Variants in GSE1 observed in about 807,000 individuals in gnomAD.
GSE1 encodes the protein Gse1 coiled-coil protein, also known as genetic suppressor element 1.
In GSE1, 32 loss-of-function variants were observed where a neutral mutation model predicts 112.6. That is an observed-to-expected ratio of 0.28 (90% CI 0.21 to 0.38). The LOEUF (loss-of-function observed/expected upper bound fraction) is 0.38, where lower values mean the gene tolerates loss of function less well. Ranked by LOEUF, GSE1 falls within the 10% of genes least tolerant of loss-of-function variation. GSE1 has a pLI of 1.00. For synonymous variants in GSE1, 1,115 were observed against 735.6 expected, an observed-to-expected ratio of 1.52 and a Z score of -8.35; for missense variants, 2,348 against 1,699.2, an observed-to-expected ratio of 1.38 and a Z score of -6.71.
rs1352311942 is a variant in GSE1 at position 85,574,840 on chromosome 16, C to T, written c.37+18477C>T. Among the ~76,000 whole-genome samples, 3 of 152,344 alleles carry T rather than the reference C, an allele frequency of 2.0e-5. No individual in the cohort carries two copies. The East Asian group carries it at 5.8e-4, about 29-fold the overall frequency. Reference sequence around the variant, plus strand: ...AGGCAGCAGGCATCGGTCACGGACCCTTGGGGGCTCCCTGCTGGAGCCTGC... The same window carrying T: ...AGGCAGCAGGCATCGGTCACGGACCTTTGGGGGCTCCCTGCTGGAGCCTGC... On this transcript the variant is annotated intron_variant, in intron 1 of 2. Transcript: ENST00000635906.
At chr16:85,426,025 A>G (rs951997686) in intron 2 of GSE1, among the ~76,000 whole-genome samples, 145 of 40,690 alleles carry the variant, frequency 3.6e-3, no homozygotes, top group African/African-American at 7.2e-3. Flanking sequence ...AATGAATGGA[A>G]AATGGATGGA....
intron 2 of GSE1, among the ~76,000 whole-genome samples, chr16:85,361,543 C>A (rs955605861): frequency 2.0e-5 from 3 of 152,236 alleles, no homozygotes; most frequent in African/African-American, 7.2e-5. Context: ...GCCATGGTGG[C>A]CCCACCCTGG....
intron 2 of GSE1, among the ~76,000 whole-genome samples, chr16:85,436,532 C>T (rs2049250173): frequency 6.6e-6 from 1 of 152,236 alleles, no homozygotes; most frequent in Non-Finnish European, 1.5e-5. Flanking sequence ...TTCCCAGGAA[C>T]AGGGGGCCTC....
chr16:85,235,967 C>T (rs1904601693), intron 1 of GSE1, among the ~76,000 whole-genome samples: 1 of 144,528 alleles, frequency 6.9e-6, no homozygotes, highest in Non-Finnish European at 1.5e-5. Flanking sequence ...GCGCCCCCTC[C>T]GGCGCCGGGC....
intron 2 of GSE1, among the ~76,000 whole-genome samples, chr16:85,383,046 T>C (rs2047593457): frequency 1.3e-5 from 2 of 148,338 alleles, no homozygotes; most frequent in Admixed American, 6.6e-5. Context: ...ACACACCGTG[T>C]ACATGCATGT....
intron 2 of GSE1, among the ~76,000 whole-genome samples, chr16:85,467,038 C>T (rs534238401): frequency 1.6e-4 from 24 of 152,280 alleles, no homozygotes; most frequent in South Asian, 2.1e-4. Flanking sequence ...CCAGCCTGGG[C>T]GACTCCATCT....
rs529887838 is a variant in GSE1, at chr16:85,567,116, C to G, written c.37+10753C>G. ...GAAAGTTTCACTCACAGGCGGATTT[C>G]AACCGCCTGTGCTGTCTTTATGACA... On this transcript the variant is annotated intron_variant, in intron 1 of 2. Transcript: ENST00000635906. Among the ~76,000 whole-genome samples, 3 of 145,184 alleles carry G rather than the reference C, an allele frequency of 2.1e-5. No homozygotes were observed. In the East Asian group the frequency reaches 6.8e-4, roughly 33 times the overall value.
chr16:85,555,146 C>T (rs2045137544), upstream of GSE1: 8 of 985,430 alleles, frequency 8.1e-6, no homozygotes, highest in Non-Finnish European at 9.6e-6. Context: ...CGCTGCGCCC[C>T]TACCCTTTCG....
chr16:85,640,841 C>G (rs1268166771), intron 2 of GSE1, among the ~76,000 whole-genome samples: 1 of 152,266 alleles, frequency 6.6e-6, no homozygotes, highest in Non-Finnish European at 1.5e-5. Flanking sequence ...GCCCGTCTGT[C>G]TCCCGCGCAG....
At chr16:85,497,780 G>A (rs958708318) in intron 2 of GSE1, among the ~76,000 whole-genome samples, 1 of 152,162 alleles carries the variant, frequency 6.6e-6, no homozygotes, top group Non-Finnish European at 1.5e-5. Flanking sequence ...GGGAACCCGG[G>A]GTGGGGCAGA....
chr16:85,537,159 C>T (rs559138876), intron 2 of GSE1, among the ~76,000 whole-genome samples: 6 of 152,292 alleles, frequency 3.9e-5, no homozygotes, highest in South Asian at 4.1e-4. Flanking sequence ...AGCGTTTGGT[C>T]GGAAGGCAGG....
At chr16:85,292,546 C>T (rs2045253736) in intron 1 of GSE1, among the ~76,000 whole-genome samples, 1 of 152,154 alleles carries the variant, frequency 6.6e-6, no homozygotes, top group African/African-American at 2.4e-5. Context: ...CCAGGATGGT[C>T]TCGATCTTGT....
rs753863448 is a variant in GSE1 at position 85,657,314 on chromosome 16, C to T, written c.1350C>T (p.Pro450=). 20 of 1,596,418 alleles carry T rather than the reference C, an allele frequency of 1.3e-5. 1 individual carries two copies. The highest frequency in any genetic ancestry group is 1.7e-4 in the Middle Eastern group (1 of 5,998). Residue 450 remains proline (P), a synonymous_variant, in exon 8 of 16, where the codon CCC becomes CCT. Transcript: ENST00000253458. ...ATGCCGGCCTGCAGGCGCCCAAGCCCGTCCAACACCCCTTGCATCCGGTGC... is the reference window on the plus strand; with the variant it reads ...ATGCCGGCCTGCAGGCGCCCAAGCCTGTCCAACACCCCTTGCATCCGGTGC... ...LKDAGLQAPK[P]VQHPLHPVPT...
At position 85,212,899 on chromosome 16, in the gene GSE1, G is replaced by A. The variant is rs1336350421; in HGVS notation, c.2283+41092G>A. ...TCCCAGCACTTTGGGAGGCCGAGGC[G>A]GGAAGATCGCTCGAGCCCAGGAGTT... On this transcript the variant is annotated intron_variant, in intron 1 of 2. Transcript: ENST00000637419. Among the ~76,000 whole-genome samples, 5 of 152,168 alleles carry A rather than the reference G, an allele frequency of 3.3e-5. No homozygotes were observed. In the South Asian group the frequency reaches 6.2e-4, roughly 19 times the overall value.
intron 2 of GSE1, among the ~76,000 whole-genome samples, chr16:85,434,210 T>G (rs1215460947): frequency 6.6e-6 from 1 of 152,004 alleles, no homozygotes; most frequent in Non-Finnish European, 1.5e-5. Flanking sequence ...CAGCCTCATT[T>G]CTGTGACATA....
Position 85,524,456 on chromosome 16 carries a change from G to A in GSE1, c.2465-109458G>A, listed in dbSNP as rs369780017. Among the ~76,000 whole-genome samples, 294 of 152,276 alleles carry A rather than the reference G, an allele frequency of 1.9e-3. 1 individual carries two copies. The highest frequency in any genetic ancestry group is 6.3e-3 in the African/African-American group (260 of 41,558). On this transcript the variant is annotated intron_variant, in intron 2 of 2. Coordinates refer to the GSE1 transcript ENST00000637419. ...GCTCCTAAATGCCAGCACGGCTGCC[G>A]TGGCTGTGGTGGTTGTCAGATGGGG...
At chr16:85,446,643 G>T (rs1359613667) in intron 2 of GSE1, among the ~76,000 whole-genome samples, 1 of 152,174 alleles carries the variant, frequency 6.6e-6, no homozygotes, top group African/African-American at 2.4e-5. Flanking sequence ...CTCAGTAGAC[G>T]CCATCGAGCG....
chr16:85,671,432 T>G (rs1317596644), intron 15 of GSE1, among the ~76,000 whole-genome samples: 1 of 25,332 alleles, frequency 3.9e-5, no homozygotes, highest in Non-Finnish European at 9.9e-5. Context: ...AGAGCGAGAC[T>G]CCGTCTCAAA....
intron 2 of GSE1, among the ~76,000 whole-genome samples, chr16:85,420,858 G>A (rs1195326381): frequency 6.6e-6 from 1 of 152,134 alleles, no homozygotes; most frequent in Non-Finnish European, 1.5e-5. Flanking sequence ...CAGTGCCGCG[G>A]GCCTCCACAC....
Sources: allele counts gnomAD v4.1 joint callset (sites outside exome capture counted in the v4.1 genomes callset), GRCh38; gene constraint gnomAD v4.1.1; transcripts MANE v1.5; gene names NCBI Gene and HGNC (gene_info 2026-07-23, HGNC 2026-07-21).